The following ITGB5 variants were observed in gnomAD, a reference collection of about 807,000 sequenced individuals.
ITGB5 encodes the protein integrin subunit beta 5, also known as integrin beta-5.
ITGB5 carries 38 observed loss-of-function variants against 84.8 expected under a neutral mutation model. That is an observed-to-expected ratio of 0.45 (90% CI 0.35 to 0.59). The LOEUF is 0.59. Ranked by LOEUF, ITGB5 falls within the 20% of genes least tolerant of loss-of-function variation. ITGB5 has a pLI of 0.01. For synonymous variants in ITGB5, 393 were observed against 414.4 expected (o/e 0.95, Z 0.63); for missense variants, 905 against 1,034.5 (o/e 0.87, Z 1.72).
rs867742857 is a variant in ITGB5, at chr3:124,887,070, C to G, written c.-70G>C. 8.4e-5 allele frequency: 57 copies of G among 677,440 alleles called. No individual in the cohort carries two copies. The Middle Eastern group carries it at 2.1e-3, about 25-fold the overall frequency. 42.0% of individuals were successfully genotyped at this position (677,440 alleles called of 1,614,324 possible). Reference sequence around the variant, plus strand: ...GGGGGCCGGCGGCCGGGGCTGGGGCCGGAGCGCGGGGGCCGAGGGCCGGGG... The same window carrying G: ...GGGGGCCGGCGGCCGGGGCTGGGGCGGGAGCGCGGGGGCCGAGGGCCGGGG... On this transcript the variant is annotated 5_prime_UTR_variant, in exon 1 of 15. Transcript: ENST00000296181.
At chr3:124,842,679 C>T (rs903637640) in intron 4 of ITGB5, among the ~76,000 whole-genome samples, 5 of 152,134 alleles carry the variant, frequency 3.3e-5, no homozygotes, top group Non-Finnish European at 7.3e-5. Context: ...TGATGGAAAA[C>T]GAGCACTAAC....
At chr3:124,828,434 C>G (rs1289351934) in intron 5 of ITGB5, among the ~76,000 whole-genome samples, 1 of 152,152 alleles carries the variant, frequency 6.6e-6, no homozygotes, top group East Asian at 1.9e-4. Context: ...AGAGTGTATA[C>G]TAGGCATATG....
chr3:124,807,717 G>A (rs531042073), intron 9 of ITGB5, among the ~76,000 whole-genome samples: 1 of 151,702 alleles, frequency 6.6e-6, no homozygotes, highest in East Asian at 1.9e-4. Flanking sequence ...AGGCCGAGGC[G>A]GGTGGATCAT....
At chr3:124,770,835 T>TG (rs1390615850) in intron 11 of ITGB5, among the ~76,000 whole-genome samples, 1 of 152,218 alleles carries the variant, frequency 6.6e-6, no homozygotes, top group Non-Finnish European at 1.5e-5. Context: ...GAGACCTGGC[T>TG]GGGGGCCAGG....
At chr3:124,813,723 T>C (rs1261657413) in intron 8 of ITGB5, among the ~76,000 whole-genome samples, 2 of 152,208 alleles carry the variant, frequency 1.3e-5, no homozygotes, top group Non-Finnish European at 2.9e-5. Context: ...TCCAGGAACC[T>C]GTCCCACAGC....
intron 12 of ITGB5, 100 bp downstream of exon 12, chr3:124,768,913 C>G (rs2063803029): frequency 1.2e-6 from 1 of 839,644 alleles, no homozygotes; most frequent in Admixed American, 2.2e-5. Flanking sequence ...CAGTTATGCC[C>G]AGGAAGCCTG....
At chr3:124,888,065 G>A (rs1403235801), upstream of ITGB5, among the ~76,000 whole-genome samples, 2 of 151,634 alleles carry the variant, frequency 1.3e-5, no homozygotes, top group African/African-American at 2.4e-5. Flanking sequence ...ACAGGCGCGC[G>A]CCACCACACC....
intron 5 of ITGB5, among the ~76,000 whole-genome samples, chr3:124,829,799 T>C (rs1353279783): frequency 6.6e-6 from 1 of 152,208 alleles, no homozygotes; most frequent in Non-Finnish European, 1.5e-5. Context: ...AATATGTTCA[T>C]GGCCCACTAA....
chr3:124,868,159 C>A (rs2065420097), intron 2 of ITGB5, among the ~76,000 whole-genome samples: 1 of 152,174 alleles, frequency 6.6e-6, no homozygotes, highest in Non-Finnish European at 1.5e-5. Context: ...GAGGCCTCCC[C>A]AGCCATGGCG....
intron 2 of ITGB5, among the ~76,000 whole-genome samples, chr3:124,860,783 T>C (rs1157784825): frequency 6.6e-6 from 1 of 152,220 alleles, no homozygotes; most frequent in Non-Finnish European, 1.5e-5. Flanking sequence ...TCAGCATCCC[T>C]TGACCACTTT....
intron 2 of ITGB5, among the ~76,000 whole-genome samples, chr3:124,872,395 T>C (rs891916848): frequency 2.0e-5 from 3 of 152,186 alleles, no homozygotes; most frequent in Non-Finnish European, 4.4e-5. Flanking sequence ...GACAGAGCTA[T>C]TGTGAGGATC....
chr3:124,799,489 G>A (rs992203595), intron 9 of ITGB5, among the ~76,000 whole-genome samples: 3 of 152,218 alleles, frequency 2.0e-5, no homozygotes, highest in Admixed American at 6.5e-5. Context: ...GAGCCCGGGA[G>A]GGGGAGGTTG....
intron 1 of ITGB5, among the ~76,000 whole-genome samples, 173 bp downstream of exon 1, chr3:124,886,758 G>A (rs563517350): frequency 1.3e-5 from 2 of 151,624 alleles, no homozygotes; most frequent in African/African-American, 4.8e-5. Context: ...CGGCGGGGCT[G>A]CGCGCGGGGA....
intron 5 of ITGB5, among the ~76,000 whole-genome samples, chr3:124,840,846 A>G (rs747513742): frequency 3.3e-5 from 5 of 152,082 alleles, no homozygotes; most frequent in Middle Eastern, 3.4e-3. Flanking sequence ...TTGTATTTTC[A>G]GTAGAGACAG....
chr3:124,849,125 G>T (rs904078479), intron 3 of ITGB5, among the ~76,000 whole-genome samples: 1 of 152,164 alleles, frequency 6.6e-6, no homozygotes, highest in Admixed American at 6.5e-5. Context: ...CAGGCTCCTT[G>T]GTAGTGTTCT....
intron 1 of ITGB5, among the ~76,000 whole-genome samples, chr3:124,874,491 AC>A (rs1321387803): frequency 6.6e-6 from 1 of 152,208 alleles, no homozygotes; most frequent in Non-Finnish European, 1.5e-5. Context: ...AATAGAAAAA[AC>A]AATCCTAAAA....
chr3:124,815,896 A>T (rs576274087), intron 8 of ITGB5, among the ~76,000 whole-genome samples: 7 of 152,276 alleles, frequency 4.6e-5, no homozygotes, highest in Non-Finnish European at 1.0e-4. Flanking sequence ...GTGTAAAGTT[A>T]ATTAGGAAAC....
chr3:124,794,859 G>A (rs1034892647), intron 10 of ITGB5, among the ~76,000 whole-genome samples: 3 of 151,808 alleles, frequency 2.0e-5, no homozygotes, highest in African/African-American at 7.3e-5. Context: ...AGAAGGAGAA[G>A]AAGAAGAAGA....
At chr3:124,824,865 AACC>A (rs1299328336) in intron 5 of ITGB5, among the ~76,000 whole-genome samples, 1 of 152,194 alleles carries the variant, frequency 6.6e-6, no homozygotes, top group East Asian at 1.9e-4. Flanking sequence ...TTGAATAGCA[AACC>A]AACAAACAAA....
Sources: allele counts gnomAD v4.1 joint callset (sites outside exome capture counted in the v4.1 genomes callset), GRCh38; gene constraint gnomAD v4.1.1; transcripts MANE v1.5; gene names NCBI Gene and HGNC (gene_info 2026-07-23, HGNC 2026-07-21).